Variants in FHIT observed in about 807,000 individuals in gnomAD.
The protein encoded by FHIT is fragile histidine triad diadenosine triphosphatase, also known as bis(5'-adenosyl)-triphosphatase.
FHIT carries 19 observed loss-of-function variants against 17.9 expected under a neutral mutation model. That is an observed-to-expected ratio of 1.06 (90% CI 0.74 to 1.56). The LOEUF is 1.56. FHIT is among the 40% of genes most tolerant of loss of function. The pLI is 0.00. For synonymous variants in FHIT, 81 were observed against 69.7 expected (o/e 1.16, Z -0.81); for missense variants, 248 against 189.2 (o/e 1.31, Z -1.82).
At chr3:60,517,318 C>T (rs1228857814) in intron 5 of FHIT, among the ~76,000 whole-genome samples, 2 of 152,250 alleles carry the variant, frequency 1.3e-5, no homozygotes, top group Admixed American at 6.5e-5. Flanking sequence ...ATATATGATG[C>T]AATACATGTA....
At chr3:60,164,949 G>C (rs929982144) in intron 5 of FHIT, among the ~76,000 whole-genome samples, 1 of 152,038 alleles carries the variant, frequency 6.6e-6, no homozygotes, top group Non-Finnish European at 1.5e-5. Flanking sequence ...AGAAACAACC[G>C]ACTTGTGTGA....
At chr3:60,301,306 AC>A (rs1348273702) in intron 5 of FHIT, among the ~76,000 whole-genome samples, 1 of 152,158 alleles carries the variant, frequency 6.6e-6, no homozygotes, top group Non-Finnish European at 1.5e-5. Flanking sequence ...AGTGTGTTTC[AC>A]CATAGCCTTA....
chr3:60,440,503 G>A (rs747786371), intron 5 of FHIT, among the ~76,000 whole-genome samples: 13 of 152,212 alleles, frequency 8.5e-5, no homozygotes, highest in Non-Finnish European at 1.6e-4. Flanking sequence ...TCCTACGCCT[G>A]TAACTTTACC....
At chr3:60,397,048 C>T (rs1215385084) in intron 5 of FHIT, among the ~76,000 whole-genome samples, 1 of 152,308 alleles carries the variant, frequency 6.6e-6, no homozygotes, top group South Asian at 2.1e-4. Context: ...AGCATTTTCT[C>T]TACCTGGGCT....
Position 61,208,030 on chromosome 3 carries a change from G to C in FHIT, c.-212-7365C>G, listed in dbSNP as rs1043667863. Among the ~76,000 whole-genome samples, 3 of 152,044 alleles carry C rather than the reference G, an allele frequency of 2.0e-5. No homozygotes were observed. The South Asian group carries it at 6.2e-4, about 32-fold the overall frequency. On this transcript the variant is annotated intron_variant, in intron 1 of 9. Coordinates refer to ENST00000492590, the MANE Select transcript of FHIT (RefSeq NM_002012.4). ...GTATGTTGTGTCTTTGTTCTCGTTG[G>C]TTTCAAAGAACATCTTTATTTCTGC...
intron 3 of FHIT, among the ~76,000 whole-genome samples, chr3:60,996,316 C>T (rs1212397553): frequency 6.6e-6 from 1 of 152,150 alleles, no homozygotes; most frequent in Non-Finnish European, 1.5e-5. Context: ...TAGATATGTG[C>T]TCCTCTAACT....
Position 60,081,796 on chromosome 3 carries a change from A to T in FHIT, c.104-67644T>A, listed in dbSNP as rs984573761. Among the ~76,000 whole-genome samples, 6 of 152,122 alleles carry T rather than the reference A, an allele frequency of 3.9e-5. No homozygotes were observed. In the East Asian group the frequency reaches 1.2e-3, roughly 29 times the overall value. On this transcript the variant is annotated intron_variant, in intron 5 of 9. Transcript: ENST00000492590. ...ACCCTAATCAGAGAGAGTGCCAGGA[A>T]TAACAGCCATGCATGCCAGGCATCT...
chr3:60,288,520 C>T (rs963548994), intron 5 of FHIT, among the ~76,000 whole-genome samples: 2 of 151,718 alleles, frequency 1.3e-5, no homozygotes, highest in African/African-American at 4.8e-5. Context: ...ACTTGCTCCA[C>T]GAATTGCAAA....
At chr3:60,978,362 A>G (rs1288206203) in intron 3 of FHIT, among the ~76,000 whole-genome samples, 3 of 152,174 alleles carry the variant, frequency 2.0e-5, no homozygotes, top group African/African-American at 7.2e-5. Context: ...TATGGGGTGG[A>G]GCCTCAGATT....
chr3:60,058,054 C>A (rs1434308421), intron 5 of FHIT, among the ~76,000 whole-genome samples: 1 of 147,736 alleles, frequency 6.8e-6, no homozygotes, highest in African/African-American at 2.5e-5. Flanking sequence ...AAGTAGAACA[C>A]AGATTACCAG....
intron 5 of FHIT, among the ~76,000 whole-genome samples, chr3:60,501,348 T>A (rs988289076): frequency 9.9e-5 from 15 of 152,202 alleles, no homozygotes; most frequent in African/African-American, 3.6e-4. Flanking sequence ...GTAATTTGAG[T>A]CACAGACTCC....
At chr3:61,176,036 G>C (rs920003461) in intron 2 of FHIT, among the ~76,000 whole-genome samples, 1 of 152,194 alleles carries the variant, frequency 6.6e-6, no homozygotes, top group African/African-American at 2.4e-5. Context: ...ACAAACATCA[G>C]TATCTCAGAG....
chr3:60,909,741 T>C (rs1706629835), intron 3 of FHIT, among the ~76,000 whole-genome samples: 1 of 152,114 alleles, frequency 6.6e-6, no homozygotes, highest in Non-Finnish European at 1.5e-5. Context: ...TGTCATAGAG[T>C]AGCTGAGAGT....
intron 2 of FHIT, among the ~76,000 whole-genome samples, chr3:61,112,403 C>T (rs1457813155): frequency 6.6e-6 from 1 of 151,948 alleles, no homozygotes; most frequent in Admixed American, 6.6e-5. Context: ...CTGGTGTGTC[C>T]CAGCTGTATT....
intron 5 of FHIT, among the ~76,000 whole-genome samples, chr3:60,129,365 C>G (rs1699423331): frequency 6.6e-6 from 1 of 152,060 alleles, no homozygotes; most frequent in Non-Finnish European, 1.5e-5. Flanking sequence ...TCTAAAAGCA[C>G]ATCAATTTAC....
rs139075058 is a variant in FHIT at position 61,190,676 on chromosome 3, C to T, written c.-164+9941G>A. Among the ~76,000 whole-genome samples, 585 of 152,182 alleles carry T rather than the reference C, an allele frequency of 3.8e-3. 1 individual carries two copies. Among genetic ancestry groups the T allele is most frequent in the African/African-American group, 0.013 (554 of 41,500 alleles). ...ATTCACAATAGCAAAGACTTGGAAC[C>T]GACCCAAATGCCCAACAATGATTGA... On this transcript the variant is annotated intron_variant, in intron 2 of 9. Transcript: ENST00000492590.
chr3:60,449,553 T>C (rs987304044), intron 5 of FHIT, among the ~76,000 whole-genome samples: 4 of 152,030 alleles, frequency 2.6e-5, no homozygotes, highest in African/African-American at 9.7e-5. Flanking sequence ...CAAACCTAGA[T>C]GGTGCAGCCT....
At chr3:60,109,314 G>C (rs1271889435) in intron 5 of FHIT, among the ~76,000 whole-genome samples, 1 of 152,154 alleles carries the variant, frequency 6.6e-6, no homozygotes, top group African/African-American at 2.4e-5. Context: ...TATCAGCAGA[G>C]TTTGTGTTTG....
chr3:61,129,036 C>T (rs569063947), intron 2 of FHIT, among the ~76,000 whole-genome samples: 122 of 152,268 alleles, frequency 8.0e-4, no homozygotes, highest in African/African-American at 2.7e-3. Context: ...GTATATGTCA[C>T]GCCATACAAG....
Sources: gnomAD v4.1 joint callset for allele counts (sites outside exome capture counted in the v4.1 genomes callset) on GRCh38, gnomAD v4.1.1 for gene constraint, MANE v1.5 for transcripts, NCBI Gene and HGNC (gene_info 2026-07-23, HGNC 2026-07-21) for gene names.